Variants in ZBTB16 observed in about 807,000 individuals in gnomAD.
The protein encoded by ZBTB16 is zinc finger and BTB domain-containing protein 16.
Under a neutral mutation model 56.8 loss-of-function variants are expected in ZBTB16, and 8 were observed. The ratio of observed to expected loss-of-function variants is 0.14; its 90% CI spans 0.08 to 0.25. The LOEUF (loss-of-function observed/expected upper bound fraction) is 0.25. Ranked by LOEUF, ZBTB16 falls within the 10% of genes least tolerant of loss-of-function variation. ZBTB16 has a pLI of 1.00. For missense variants in ZBTB16, 625 were observed against 903.0 expected, an observed-to-expected ratio of 0.69 and a Z score of 3.95; for synonymous variants, 363 against 368.5, an observed-to-expected ratio of 0.98 and a Z score of 0.17.
chr11:114,176,850 A>G (rs1415558661), intron 3 of ZBTB16, among the ~76,000 whole-genome samples: 1 of 152,218 alleles, frequency 6.6e-6, no homozygotes, highest in Non-Finnish European at 1.5e-5. Flanking sequence ...GCTGGCCAGC[A>G]GAACCCTCCT....
At chr11:114,148,863 G>GGT (rs35071911) in intron 2 of ZBTB16, among the ~76,000 whole-genome samples, 5,675 of 143,982 alleles carry the variant, frequency 0.039, 202 homozygotes, top group East Asian at 0.093. Context: ...GTTTTTTACT[G>GGT]GTGTGTGTGT....
chr11:114,176,993 G>A (rs1261256435), intron 3 of ZBTB16, among the ~76,000 whole-genome samples: 1 of 152,088 alleles, frequency 6.6e-6, no homozygotes, highest in African/African-American at 2.4e-5. Flanking sequence ...ATTGCGATTG[G>A]GCTTCTCCCA....
Position 114,064,899 on chromosome 11 carries a change from T to G in ZBTB16, c.1268+331T>G, listed in dbSNP as rs1939055942. 6.6e-6 allele frequency among the ~76,000 whole-genome samples: 1 copy of G among 152,092 alleles called. No homozygotes were observed. Among genetic ancestry groups the G allele is most frequent in the Admixed American group, 6.5e-5 (1 of 15,274 alleles). On this transcript the variant is annotated intron_variant, in intron 2 of 6. Coordinates refer to ENST00000335953, the MANE Select transcript of ZBTB16 (RefSeq NM_006006.6). This position sits in a 1 kb window ranked among gnomAD's most constrained non-coding sequence, Gnocchi z 4.2. ...CCTTTGCTTGGAGTGACTGATAAAATGGAGAGAAGGAGAAAAGGAGTGGGA... is the reference window on the plus strand; with the variant it reads ...CCTTTGCTTGGAGTGACTGATAAAAGGGAGAGAAGGAGAAAAGGAGTGGGA...
chr11:114,065,572 A>G (rs112753380), intron 2 of ZBTB16, among the ~76,000 whole-genome samples: 6,803 of 152,216 alleles, frequency 0.045, 336 homozygotes, highest in African/African-American at 0.12. Context: ...ACGCACCACC[A>G]TACCTGGCTA....
Position 114,156,348 on chromosome 11 carries a change from G to A in ZBTB16, c.1280G>A (p.Ser427Asn). ...CCTTTCCCTTACAGGAAGCTGCACA[G>A]TGGGATGAAGACGTACGGGTGCGAG... is the stretch of plus-strand genomic sequence containing the variant. ...EAVEQHRKLH[S>N]GMKTYGCELC... Residue 427 changes from serine to asparagine, a missense_variant, in exon 3 of 7, where the codon AGT becomes AAT. Around this residue, in one of 6 missense-constraint regions of ZBTB16, gnomAD observed 140 missense variants for 214.8 expected, o/e 0.65. Transcript: ENST00000335953. 6.2e-7 allele frequency: 1 copy of A among 1,614,250 alleles called. No homozygotes were observed.
rs1474860057 is a variant in ZBTB16, at chr11:114,063,933, G to A, written c.633G>A (p.Gln211=). 3 of 1,613,794 alleles carry A rather than the reference G, an allele frequency of 1.9e-6. No homozygotes were observed. The Admixed American group carries it at 5.0e-5, about 27-fold the overall frequency. The change falls in exon 2 of 7, where the codon CAG becomes CAA. Residue 211 remains glutamine (Q), a synonymous_variant. Transcript: ENST00000335953. This position sits in a 1 kb window ranked among gnomAD's most constrained non-coding sequence, Gnocchi z 6.5. ...TGGACAGTTTGATGACCATAGGACAGTCTCTCCTGCAGGGAACTCTTCAGC... is the reference window on the plus strand; with the variant it reads ...TGGACAGTTTGATGACCATAGGACAATCTCTCCTGCAGGGAACTCTTCAGC... ...AAVDSLMTIG[Q]SLLQGTLQPP... is the part of the protein sequence containing the mutation.
intron 2 of ZBTB16, among the ~76,000 whole-genome samples, chr11:114,066,585 C>T (rs1939126583): frequency 6.6e-6 from 1 of 152,120 alleles, no homozygotes; most frequent in Non-Finnish European, 1.5e-5. Context: ...GAGAGGGCCA[C>T]AAAAGATACC....
At chr11:114,198,784 G>A (rs1311074101) in intron 4 of ZBTB16, among the ~76,000 whole-genome samples, 2 of 152,124 alleles carry the variant, frequency 1.3e-5, no homozygotes, top group African/African-American at 2.4e-5. Context: ...TTCACATGAG[G>A]GTTCACTCCT....
rs772163919 is a variant in ZBTB16, at chr11:114,247,370, C to G, written c.1792+5C>G. 1 of 1,614,012 alleles carries G rather than the reference C, an allele frequency of 6.2e-7. No homozygotes were observed. Among genetic ancestry groups the G allele is most frequent in the African/African-American group, 1.3e-5 (1 of 74,930 alleles). On this transcript the variant is annotated splice_donor_5th_base_variant and intron_variant, in intron 6 of 6. Transcript: ENST00000335953. ...CGCACTATAGGGTGCACACAGGTAC[C>G]GAAGGCCAGGGAGGGGCCTGAGCTG... is the stretch of plus-strand genomic sequence containing the variant.
chr11:114,124,737 GA>G (rs1941455194), intron 2 of ZBTB16, among the ~76,000 whole-genome samples: 1 of 152,194 alleles, frequency 6.6e-6, no homozygotes, highest in Non-Finnish European at 1.5e-5. Context: ...TCAGGCTGAT[GA>G]AAATCTCTCC....
rs1393699967 is a variant in ZBTB16, at chr11:114,063,013, A to G, written c.-90-198A>G. On this transcript the variant is annotated intron_variant, in intron 1 of 6. Coordinates refer to ENST00000335953, the MANE Select transcript of ZBTB16 (RefSeq NM_006006.6). This position sits in a 1 kb window ranked among gnomAD's most constrained non-coding sequence, Gnocchi z 6.5. ...GCAGAACCTTCTTTTTACTCTCAGC[A>G]TCCCTGGCTTGAAAGGCAGATTTGT... Among the ~76,000 whole-genome samples the G allele has an allele frequency of 6.6e-6, 1 of 152,230 alleles. No individual in the cohort carries two copies. The highest frequency in any genetic ancestry group is 2.4e-5 in the African/African-American group (1 of 41,460).
At chr11:114,090,671 C>A (rs1940152262) in intron 2 of ZBTB16, among the ~76,000 whole-genome samples, 1 of 152,126 alleles carries the variant, frequency 6.6e-6, no homozygotes, top group Non-Finnish European at 1.5e-5. Flanking sequence ...TAAAAAAGGA[C>A]TTCATTCTAT....
intron 3 of ZBTB16, among the ~76,000 whole-genome samples, chr11:114,175,673 G>A (rs1943091519): frequency 6.6e-6 from 1 of 152,116 alleles, no homozygotes; most frequent in Admixed American, 6.5e-5. Flanking sequence ...ATTGTGAGAG[G>A]ACTCGGCATT....
At chr11:114,206,739 A>G (rs1431995851) in intron 4 of ZBTB16, among the ~76,000 whole-genome samples, 1 of 152,278 alleles carries the variant, frequency 6.6e-6, no homozygotes, top group Non-Finnish European at 1.5e-5. Context: ...GATAAGTAAT[A>G]AAACAAGGCA....
intron 4 of ZBTB16, among the ~76,000 whole-genome samples, chr11:114,235,629 C>CCTTCCTTCCTTCCTTT (rs767837990): frequency 2.8e-3 from 272 of 97,744 alleles, no homozygotes; most frequent in African/African-American, 0.011. Flanking sequence ...CCTCTCCCTT[C>CCTTCCTTCCTTCCTTT]CTTTCTTTCT....
In ZBTB16 at chr11:114,063,494, G is replaced by A; in HGVS notation, c.194G>A (p.Arg65His). 2.5e-6 allele frequency: 4 copies of A among 1,614,182 alleles called. No individual in the cohort carries two copies. Among genetic ancestry groups the A allele is most frequent in the Non-Finnish European group, 3.4e-6 (4 of 1,180,036 alleles). ...AAGATGTTTGAGATCCTCTTCCACC[G>A]CAATAGTCAACACTATACTTTGGAC... is the stretch of plus-strand genomic sequence containing the variant. ...TSKMFEILFH[R>H]NSQHYTLDFL... Residue 65 changes from arginine to histidine, a missense_variant, in exon 2 of 7, where the codon CGC becomes CAC. Transcript: ENST00000335953. This position sits in a 1 kb window ranked among gnomAD's most constrained non-coding sequence, Gnocchi z 6.5.
At position 114,171,086 on chromosome 11, in the gene ZBTB16, C is replaced by T. The variant is rs186211006; in HGVS notation, c.1366+14652C>T. On this transcript the variant is annotated intron_variant, in intron 3 of 6. Coordinates refer to ENST00000335953, the MANE Select transcript of ZBTB16 (RefSeq NM_006006.6). ...AGTCAGAAGCTCTGGAGTATAGGCTCGAGAGGGACAGGTGCAGCCTTTGAA... is the reference window on the plus strand; with the variant it reads ...AGTCAGAAGCTCTGGAGTATAGGCTTGAGAGGGACAGGTGCAGCCTTTGAA... Among the ~76,000 whole-genome samples the T allele has an allele frequency of 2.2e-4, 34 of 152,178 alleles. 1 individual carries two copies. Among genetic ancestry groups the T allele is most frequent in the Middle Eastern group, 3.4e-3 (1 of 294 alleles).
intron 3 of ZBTB16, among the ~76,000 whole-genome samples, chr11:114,175,846 G>C (rs191959958): frequency 6.6e-6 from 1 of 151,962 alleles, no homozygotes; most frequent in Admixed American, 6.6e-5. Context: ...CTGGGGGACC[G>C]GGGCAGGGCC....
chr11:114,218,307 G>A (rs888860643), intron 4 of ZBTB16, among the ~76,000 whole-genome samples: 5 of 152,122 alleles, frequency 3.3e-5, no homozygotes, highest in Non-Finnish European at 7.3e-5. Context: ...TGGTTCTGTC[G>A]CATTGTCTGG....
Sources: allele counts gnomAD v4.1 joint callset (sites outside exome capture counted in the v4.1 genomes callset), GRCh38; gene constraint gnomAD v4.1.1; regional missense constraint gnomAD v4.1.1; non-coding constraint Gnocchi (gnomAD v3.1); transcripts MANE v1.5; gene names NCBI Gene and HGNC (gene_info 2026-07-23, HGNC 2026-07-21).